The following TUSC3 variants were observed in gnomAD, a reference collection of about 807,000 sequenced individuals.
The protein encoded by TUSC3 is dolichyl-diphosphooligosaccharide--protein glycosyltransferase subunit TUSC3.
Under a neutral mutation model 44.8 loss-of-function variants are expected in TUSC3, and 45 were observed. The ratio of observed to expected loss-of-function variants is 1.00; its 90% CI spans 0.79 to 1.29. The LOEUF (loss-of-function observed/expected upper bound fraction) is 1.29, where lower values mean the gene tolerates loss of function less well. Among genes scored for constraint, TUSC3 ranks in the 50% most tolerant of loss-of-function variants. The probability of loss-of-function intolerance (pLI) is 0.00; values close to 1 mark genes in which losing one functional copy is unlikely to be tolerated. For synonymous variants in TUSC3, 212 were observed against 152.9 expected (o/e 1.39, Z -2.85); for missense variants, 519 against 437.9 (o/e 1.19, Z -1.65).
At chr8:15,564,537 G>A (rs945591572) in intron 1 of TUSC3, among the ~76,000 whole-genome samples, 14 of 152,048 alleles carry the variant, frequency 9.2e-5, no homozygotes, top group African/African-American at 3.4e-4. Context: ...CAGCTTTAGA[G>A]CTACTTATGT....
the TUSC3 span, among the ~76,000 whole-genome samples, chr8:15,805,901 T>G: frequency 6.6e-6 from 1 of 152,196 alleles, no homozygotes; most frequent in Non-Finnish European, 1.5e-5. Flanking sequence ...CACCTGGTAC[T>G]ACCTAGAGGA....
chr8:15,808,755 C>G, the TUSC3 span, among the ~76,000 whole-genome samples: 1 of 152,082 alleles, frequency 6.6e-6, no homozygotes, highest in Non-Finnish European at 1.5e-5. Context: ...TAGCTTTGGC[C>G]TGCTGCCACC....
the TUSC3 span, among the ~76,000 whole-genome samples, chr8:15,848,129 C>T: frequency 6.6e-6 from 1 of 152,214 alleles, no homozygotes; most frequent in East Asian, 1.9e-4. Context: ...CCCTCCTTCC[C>T]CCCGAGTGAA....
chr8:15,534,441 A>C (rs1801494637), intron 2 of TUSC3, among the ~76,000 whole-genome samples: 1 of 152,054 alleles, frequency 6.6e-6, no homozygotes, highest in Non-Finnish European at 1.5e-5. Flanking sequence ...CAGAAGATCG[A>C]GACCATCCAA....
chr8:15,430,452 T>G (rs772877842), intron 1 of TUSC3, among the ~76,000 whole-genome samples: 2 of 150,426 alleles, frequency 1.3e-5, no homozygotes, highest in African/African-American at 2.5e-5. Context: ...AAACTCTCAA[T>G]AAATTAAGTA....
the TUSC3 span, among the ~76,000 whole-genome samples, chr8:15,774,341 C>T: frequency 1.3e-4 from 20 of 152,088 alleles, no homozygotes; most frequent in Admixed American, 2.6e-4. Flanking sequence ...TGAGGTCATA[C>T]TGGAATAAGA....
At chr8:15,769,034 AC>A (rs1812397056), downstream of TUSC3, among the ~76,000 whole-genome samples, 1 of 152,166 alleles carries the variant, frequency 6.6e-6, no homozygotes, top group Admixed American at 6.5e-5. Context: ...CTATCCATCA[AC>A]CTGCCATTGA....
intron 5 of TUSC3, among the ~76,000 whole-genome samples, chr8:15,663,153 A>C (rs907953427): frequency 4.0e-5 from 6 of 151,854 alleles, no homozygotes; most frequent in Admixed American, 3.9e-4. Flanking sequence ...TAGGAAGGGA[A>C]AATATAAGGT....
chr8:15,504,578 G>GATATATATATAT (rs1158864721), intron 2 of TUSC3, among the ~76,000 whole-genome samples: 1 of 33,460 alleles, frequency 3.0e-5, no homozygotes, highest in Non-Finnish European at 5.6e-5. Flanking sequence ...CAACTTTCAG[G>GATATATATATAT]ATATATATAT....
upstream of TUSC3, among the ~76,000 whole-genome samples, chr8:15,537,352 C>T (rs1362898731): frequency 6.6e-6 from 1 of 152,178 alleles, no homozygotes; most frequent in Non-Finnish European, 1.5e-5. Flanking sequence ...TGAACGAAAC[C>T]AATGCATTTC....
chr8:15,491,478 T>C (rs1037313432), intron 2 of TUSC3, among the ~76,000 whole-genome samples: 5 of 152,104 alleles, frequency 3.3e-5, no homozygotes, highest in Non-Finnish European at 5.9e-5. Flanking sequence ...AGAGTGAGTC[T>C]TGTAAATCTA....
chr8:15,607,429 T>TA (rs1218708936), intron 1 of TUSC3, among the ~76,000 whole-genome samples: 1 of 152,152 alleles, frequency 6.6e-6, no homozygotes, highest in Non-Finnish European at 1.5e-5. Context: ...ATAGTTTACA[T>TA]ACATTTGTAA....
At chr8:15,771,180 G>A (rs899844932), downstream of TUSC3, among the ~76,000 whole-genome samples, 17 of 152,128 alleles carry the variant, frequency 1.1e-4, no homozygotes, top group African/African-American at 3.9e-4. Context: ...GGATAAAGTA[G>A]TACCTTCCCA....
intron 6 of TUSC3, among the ~76,000 whole-genome samples, chr8:15,692,368 CCCCTTTGT>C (rs1585236439): frequency 9.9e-6 from 1 of 101,464 alleles, no homozygotes; most frequent in Non-Finnish European, 1.9e-5. Context: ...CCCCCCCCCC[CCCCTTTGT>C]TTTTTTTTTT....
At chr8:15,699,271 A>C (rs201059950) in intron 6 of TUSC3, among the ~76,000 whole-genome samples, 1 of 129,566 alleles carries the variant, frequency 7.7e-6, no homozygotes, top group Admixed American at 7.9e-5. Flanking sequence ...GTAATTAATT[A>C]ATTCATTAAT....
chr8:15,678,414 A>G (rs1808279249), intron 6 of TUSC3, among the ~76,000 whole-genome samples: 1 of 152,138 alleles, frequency 6.6e-6, no homozygotes, highest in Non-Finnish European at 1.5e-5. Context: ...AGTAGATTCC[A>G]AAGGAGAGGA....
At chr8:15,453,855 C>T (rs937482424) in intron 1 of TUSC3, among the ~76,000 whole-genome samples, 4 of 152,128 alleles carry the variant, frequency 2.6e-5, no homozygotes. Flanking sequence ...TTGCAACCAG[C>T]ACCAGGGAAA....
intron 6 of TUSC3, among the ~76,000 whole-genome samples, chr8:15,674,073 A>G (rs369576481): frequency 7.2e-5 from 11 of 152,030 alleles, no homozygotes; most frequent in African/African-American, 2.2e-4. Context: ...AATATCTACC[A>G]TATCAAATAT....
rs73665468 is a variant in TUSC3, at chr8:15,655,408, G to A, written c.427-4099G>A. Among the ~76,000 whole-genome samples, 878 of 152,282 alleles carry A rather than the reference G, an allele frequency of 5.8e-3. 10 individuals carry two copies. The highest frequency in any genetic ancestry group is 0.02 in the African/African-American group (848 of 41,564). On this transcript the variant is annotated intron_variant, in intron 3 of 10. Coordinates refer to ENST00000503731, the MANE Select transcript of TUSC3 (RefSeq NM_006765.4). ...CTTCAGTAAACACACTGTGCATACG[G>A]CCCCTCCCAAGTGCTGGCAAGCCAC...
Sources: allele counts gnomAD v4.1 joint callset (sites outside exome capture counted in the v4.1 genomes callset), GRCh38; gene constraint gnomAD v4.1.1; transcripts MANE v1.5; gene names NCBI Gene and HGNC (gene_info 2026-07-23, HGNC 2026-07-21).